Variants in SNX29 observed in about 807,000 individuals in gnomAD.
SNX29 encodes sorting nexin 29.
Under a neutral mutation model 102.1 loss-of-function variants are expected in SNX29, and 78 were observed. The observed-to-expected ratio is 0.76, with a 90% CI of 0.64 to 0.92. The LOEUF is 0.92. Among genes scored for constraint, SNX29 ranks in the 40% least tolerant of loss-of-function variants. The pLI is 0.00. For synonymous variants in SNX29, 580 were observed against 414.5 expected (o/e 1.40, Z -4.85); for missense variants, 1,280 against 1,061.7 (o/e 1.21, Z -2.86).
intron 18 of SNX29, among the ~76,000 whole-genome samples, chr16:12,435,171 C>T (rs11859542): frequency 0.41 from 61,878 of 151,954 alleles, 12,904 homozygotes; most frequent in Non-Finnish European, 0.46. Context: ...TCTGCCTCTC[C>T]GTCTTTCTTC....
rs921499119 is a variant in SNX29 at position 12,098,709 on chromosome 16, G to A, written c.1402+19794G>A. Among the ~76,000 whole-genome samples the A allele has an allele frequency of 7.2e-5, 11 of 152,214 alleles. No individual in the cohort carries two copies. Among genetic ancestry groups the A allele is most frequent in the Non-Finnish European group, 1.0e-4 (7 of 68,020 alleles). ...TCCTCCAGACAGACAGACACGTGAA[G>A]ATCAAGAGGCTAGCTTTGTCATCAG... On this transcript the variant is annotated intron_variant, in intron 11 of 20. Coordinates refer to ENST00000566228, the MANE Select transcript of SNX29 (RefSeq NM_032167.5). This position sits in a 1 kb window ranked among gnomAD's most constrained non-coding sequence, Gnocchi z 6.0.
chr16:12,508,665 C>G (rs1375095616), intron 19 of SNX29, among the ~76,000 whole-genome samples: 7 of 152,220 alleles, frequency 4.6e-5, no homozygotes, highest in Non-Finnish European at 1.0e-4. Flanking sequence ...TCCTGGTGCC[C>G]TCTGTTAAGC....
intron 6 of SNX29, 60 bp from the exon 7 acceptor site, chr16:12,048,312 T>G (rs2050166838): frequency 6.2e-7 from 1 of 1,612,596 alleles, no homozygotes; most frequent in African/African-American, 1.3e-5. Flanking sequence ...CTGTCTTCTC[T>G]TGTTGCTGGT....
In SNX29 at chr16:12,571,895, C is replaced by A; in HGVS notation, c.*3266C>A. On this transcript the variant is annotated 3_prime_UTR_variant, in exon 21 of 21. Coordinates refer to ENST00000566228, the MANE Select transcript of SNX29 (RefSeq NM_032167.5). ...AGAGTTTGGAGCTGAGGTTCAAAGC[C>A]CCCTGCATTTCTCTACTGGCAGGCC... The A allele has an allele frequency of 1.9e-6, 2 of 1,062,032 alleles. No individual in the cohort carries two copies. Among genetic ancestry groups the A allele is most frequent in the East Asian group, 5.1e-5 (1 of 19,690 alleles). 65.8% of individuals were successfully genotyped at this position (1,062,032 alleles called of 1,614,324 possible).
intron 3 of SNX29, among the ~76,000 whole-genome samples, chr16:12,005,535 C>G (rs181918562): frequency 6.6e-6 from 1 of 151,982 alleles, no homozygotes; most frequent in African/African-American, 2.4e-5. Context: ...CCTTCCTGGC[C>G]GGGTTGGTTT....
intron 20 of SNX29, among the ~76,000 whole-genome samples, chr16:12,542,111 C>T (rs959545444): frequency 3.3e-5 from 5 of 152,038 alleles, no homozygotes; most frequent in Non-Finnish European, 7.4e-5. Flanking sequence ...CAACGGATCC[C>T]TAAATTGAGC....
At chr16:12,401,621 C>G (rs1448505003) in intron 17 of SNX29, among the ~76,000 whole-genome samples, 1 of 152,130 alleles carries the variant, frequency 6.6e-6, no homozygotes, top group Non-Finnish European at 1.5e-5. Context: ...TCCTCAGCCT[C>G]CCAAAGTGCT....
At chr16:12,564,640 G>C (rs1468082386) in intron 20 of SNX29, among the ~76,000 whole-genome samples, 2 of 151,690 alleles carry the variant, frequency 1.3e-5, no homozygotes, top group Non-Finnish European at 2.9e-5. Context: ...CAGAGTCCCT[G>C]CTGGGGAGCA....
At chr16:12,559,325 G>A (rs942629493) in intron 20 of SNX29, among the ~76,000 whole-genome samples, 2 of 151,862 alleles carry the variant, frequency 1.3e-5, no homozygotes, top group Admixed American at 1.3e-4. Context: ...AACTGCCCAT[G>A]TGAGGGATCT....
rs869186902 is a variant in SNX29, at chr16:12,118,313, C to CTTTTTTTTTTTTTTTTTT, written c.1403-8314_1403-8297dup. 2.9e-4 allele frequency among the ~76,000 whole-genome samples: 25 copies of CTTTTTTTTTTTTTTTTTT among 86,122 alleles called. 1 individual carries two copies. The highest frequency in any genetic ancestry group is 9.3e-4 in the African/African-American group (18 of 19,286). The allele number at this position is 86,122 out of a possible 152,430, so 56.5% of individuals were successfully genotyped here. On this transcript the variant is annotated intron_variant, in intron 11 of 20. Coordinates refer to ENST00000566228, the MANE Select transcript of SNX29 (RefSeq NM_032167.5). ...TGTAGATAGTAGATATACAGACCAC[C>CTTTTTTTTTTTTTTTTTT]TTTTTTTTTTTTTTTTTTTTTTTAT...
intron 18 of SNX29, among the ~76,000 whole-genome samples, chr16:12,474,830 T>C (rs1372783878): frequency 6.6e-6 from 1 of 152,224 alleles, no homozygotes; most frequent in Admixed American, 6.5e-5. Context: ...CCTTGGAAGG[T>C]GCTAGGGCCT....
At chr16:12,375,185 G>T (rs1028199839) in intron 16 of SNX29, 2 of 152,148 alleles carry the variant, frequency 1.3e-5, no homozygotes, top group African/African-American at 4.8e-5. Flanking sequence ...TTTATCCATG[G>T]ATTGCAGTTT....
Position 12,570,738 on chromosome 16 carries a change from C to G in SNX29, c.*2109C>G, listed in dbSNP as rs1223641074. ...GTGAATTGGTCTCTCTCCAGATACC[C>G]CACGAGGAAGCACCTTGGACATTCT... On this transcript the variant is annotated 3_prime_UTR_variant, in exon 21 of 21. Coordinates refer to ENST00000566228, the MANE Select transcript of SNX29 (RefSeq NM_032167.5). 1.7e-5 allele frequency: 4 copies of G among 232,268 alleles called. No individual in the cohort carries two copies. Among genetic ancestry groups the G allele is most frequent in the East Asian group, 1.2e-4 (2 of 16,438 alleles). 14.4% of individuals were successfully genotyped at this position (232,268 alleles called of 1,614,324 possible). A position where few individuals can be genotyped will look rare whatever the true frequency, so the allele number is the denominator to read the frequency against.
chr16:12,439,692 A>G (rs923601549), intron 18 of SNX29, among the ~76,000 whole-genome samples: 6 of 152,154 alleles, frequency 3.9e-5, no homozygotes, highest in African/African-American at 1.4e-4. Flanking sequence ...GGCAGCTACA[A>G]TTCAAGATGA....
Position 12,568,832 on chromosome 16 carries a change from C to A in SNX29, c.*203C>A. The A allele has an allele frequency of 2.6e-6, 2 of 777,658 alleles. No homozygotes were observed. The highest frequency in any genetic ancestry group is 4.0e-6 in the Non-Finnish European group (2 of 504,298). The allele number at this position is 777,658 out of a possible 1,614,324, so 48.2% of individuals were successfully genotyped here. A position where few individuals can be genotyped will look rare whatever the true frequency, so the allele number is the denominator to read the frequency against. ...GATACCGTGACCCGAGAGACCAAGG[C>A]AGCACCTCGCTGGAGAGACTGGGAC... On this transcript the variant is annotated 3_prime_UTR_variant, in exon 21 of 21. Transcript: ENST00000566228.
chr16:12,036,334 C>CTTTTTT (rs1217078180), intron 4 of SNX29, among the ~76,000 whole-genome samples: 1 of 78,502 alleles, frequency 1.3e-5, no homozygotes, highest in East Asian at 2.6e-4. Flanking sequence ...TTCTTTCTTT[C>CTTTTTT]TTTTTTTTTT....
chr16:12,143,976 A>G (rs2054959259), intron 13 of SNX29, among the ~76,000 whole-genome samples: 1 of 152,164 alleles, frequency 6.6e-6, no homozygotes, highest in African/African-American at 2.4e-5. Context: ...GGTGGCTTAG[A>G]GCAGAGTTTC....
intron 20 of SNX29, among the ~76,000 whole-genome samples, chr16:12,543,908 T>G (rs1333625864): frequency 6.6e-6 from 1 of 152,236 alleles, no homozygotes; most frequent in Non-Finnish European, 1.5e-5. Flanking sequence ...CATCCTGGAT[T>G]GCCGAAGGTG....
intron 15 of SNX29, among the ~76,000 whole-genome samples, chr16:12,328,684 C>G (rs113634685): frequency 5.6e-4 from 86 of 152,344 alleles, no homozygotes; most frequent in African/African-American, 2.1e-3. Context: ...TGGATGCCCT[C>G]TAAATTTGAA....
Sources: gnomAD v4.1 joint callset for allele counts (sites outside exome capture counted in the v4.1 genomes callset) on GRCh38, gnomAD v4.1.1 for gene constraint, Gnocchi (gnomAD v3.1) non-coding constraint, MANE v1.5 for transcripts, NCBI Gene and HGNC (gene_info 2026-07-23, HGNC 2026-07-21) for gene names.